NTRK3: variants seen among roughly 807,000 people sequenced by gnomAD.
NTRK3 encodes neurotrophic receptor tyrosine kinase 3.
Under a neutral mutation model 91.7 loss-of-function variants are expected in NTRK3, and 24 were observed. That is an observed-to-expected ratio of 0.26 (90% CI 0.19 to 0.37). NTRK3 has a LOEUF of 0.37. NTRK3 is among the 10% of genes least tolerant of loss of function. The pLI is 1.00. For missense variants in NTRK3, 880 were observed against 1,068.9 expected (o/e 0.82, Z 2.46); for synonymous variants, 483 against 404.0 (o/e 1.20, Z -2.34).
intron 13 of NTRK3, among the ~76,000 whole-genome samples, chr15:88,039,486 T>G (rs1478430417): frequency 2.0e-5 from 3 of 152,158 alleles, no homozygotes; most frequent in African/African-American, 7.2e-5. Flanking sequence ...CCCTGACAGG[T>G]GTCTTTCCCC....
intron 14 of NTRK3, among the ~76,000 whole-genome samples, chr15:87,986,732 A>G (rs1226921656): frequency 6.6e-6 from 1 of 152,242 alleles, no homozygotes; most frequent in East Asian, 1.9e-4. Context: ...GTTGCGATCA[A>G]TATTATTACA....
At chr15:87,967,740 G>C (rs1263665635) in intron 14 of NTRK3, among the ~76,000 whole-genome samples, 1 of 152,160 alleles carries the variant, frequency 6.6e-6, no homozygotes, top group Non-Finnish European at 1.5e-5. Context: ...CCCCCACTCT[G>C]TTTTCTTATA....
In NTRK3 at chr15:88,255,820, C is replaced by T. The variant is rs1349793548; in HGVS notation, c.248+86G>A. The T allele has an allele frequency of 8.2e-7, 1 of 1,217,870 alleles. No individual in the cohort carries two copies. Among genetic ancestry groups the T allele is most frequent in the Non-Finnish European group, 1.1e-6 (1 of 927,814 alleles). 75.4% of individuals were successfully genotyped at this position (1,217,870 alleles called of 1,614,324 possible). A position where few individuals can be genotyped will look rare whatever the true frequency, so the allele number is the denominator to read the frequency against. On this transcript the variant is annotated intron_variant, in intron 3 of 18. Coordinates refer to ENST00000394480, the Ensembl canonical transcript of NTRK3. The surrounding 1 kb of genome is among the most constrained non-coding windows in gnomAD (Gnocchi z 4.3). ...GCGGGCAGCGGCGAGCTGGGGCGGGCGGAGGGCCGGCTCCCGGCCGCGGGT... is the reference window on the plus strand; with the variant it reads ...GCGGGCAGCGGCGAGCTGGGGCGGGTGGAGGGCCGGCTCCCGGCCGCGGGT...
intron 14 of NTRK3, among the ~76,000 whole-genome samples, chr15:88,022,217 A>G (rs1313145409): frequency 6.6e-6 from 1 of 152,184 alleles, no homozygotes; most frequent in Non-Finnish European, 1.5e-5. Flanking sequence ...AAGGTAAGGT[A>G]AACCATGACC....
At chr15:88,140,527 C>T (rs184503870) in intron 6 of NTRK3, among the ~76,000 whole-genome samples, 3 of 152,340 alleles carry the variant, frequency 2.0e-5, no homozygotes, top group African/African-American at 4.8e-5. Flanking sequence ...AACAAAACTA[C>T]TGACGGCCTC....
chr15:88,005,187 C>A (rs2076399790), intron 14 of NTRK3, among the ~76,000 whole-genome samples: 1 of 152,198 alleles, frequency 6.6e-6, no homozygotes, highest in Non-Finnish European at 1.5e-5. Context: ...TTGATGCTTT[C>A]TGGACACACC....
intron 13 of NTRK3, among the ~76,000 whole-genome samples, chr15:88,052,525 G>C (rs1276744212): frequency 2.0e-5 from 3 of 152,244 alleles, no homozygotes; most frequent in Non-Finnish European, 4.4e-5. Flanking sequence ...GACATCTGCT[G>C]TCAGAGGTGT....
intron 3 of NTRK3, among the ~76,000 whole-genome samples, chr15:88,251,655 A>G (rs771472371): frequency 6.6e-6 from 1 of 152,224 alleles, no homozygotes. Context: ...ACACCCACCC[A>G]AGAGCCAGCT....
At chr15:87,955,914 G>T (rs1484166724) in intron 14 of NTRK3, among the ~76,000 whole-genome samples, 1 of 152,158 alleles carries the variant, frequency 6.6e-6, no homozygotes, top group South Asian at 2.1e-4. Flanking sequence ...AGGGTCTCCA[G>T]CAGGGAATAA....
exon 19 of NTRK3, chr15:87,873,617 T>C (rs2064880316): frequency 4.3e-6 from 1 of 231,936 alleles, no homozygotes; most frequent in Non-Finnish European, 8.5e-6. Flanking sequence ...GACTTTGGTA[T>C]GGGAAAATGA....
intron 13 of NTRK3, among the ~76,000 whole-genome samples, chr15:88,040,995 G>C (rs1421136550): frequency 6.6e-6 from 1 of 152,160 alleles, no homozygotes; most frequent in African/African-American, 2.4e-5. Context: ...AAGCCATTTT[G>C]TTTGACTCCA....
At chr15:88,064,400 T>C (rs1267007614) in intron 13 of NTRK3, among the ~76,000 whole-genome samples, 2 of 152,212 alleles carry the variant, frequency 1.3e-5, no homozygotes, top group Admixed American at 1.3e-4. Flanking sequence ...ACACCCTTCC[T>C]TACTCCAGCT....
chr15:87,917,733 T>C (rs1302257289), intron 17 of NTRK3, among the ~76,000 whole-genome samples: 1 of 152,090 alleles, frequency 6.6e-6, no homozygotes, highest in Non-Finnish European at 1.5e-5. Flanking sequence ...GATCTAGTCA[T>C]TAAAGAGTCT....
At chr15:87,875,624 C>T (rs1193903189) in exon 19 of NTRK3, 1 of 232,710 alleles carries the variant, frequency 4.3e-6, no homozygotes, top group African/African-American at 2.2e-5. Flanking sequence ...AAGGCAGATG[C>T]ATCAATCCTC....
At chr15:88,062,954 T>G (rs572615149) in intron 13 of NTRK3, among the ~76,000 whole-genome samples, 1 of 152,358 alleles carries the variant, frequency 6.6e-6, no homozygotes, top group African/African-American at 2.4e-5. Context: ...GTTTCCTTCA[T>G]GTAAAGATGT....
At chr15:88,095,822 C>T (rs2049533454) in intron 13 of NTRK3, among the ~76,000 whole-genome samples, 2 of 152,224 alleles carry the variant, frequency 1.3e-5, no homozygotes, top group South Asian at 4.2e-4. Flanking sequence ...ACAGAAAGGT[C>T]CCATGTACCT....
intron 14 of NTRK3, among the ~76,000 whole-genome samples, chr15:87,955,573 C>T (rs558696269): frequency 6.6e-6 from 1 of 152,342 alleles, no homozygotes; most frequent in Non-Finnish European, 1.5e-5. Context: ...TTGAATGGGA[C>T]TGCAGCGAGT....
chr15:88,020,035 C>T (rs927338221), intron 14 of NTRK3, among the ~76,000 whole-genome samples: 5 of 152,152 alleles, frequency 3.3e-5, no homozygotes, highest in South Asian at 2.1e-4. Flanking sequence ...CAAGCAAAAA[C>T]GAAGTCAAAT....
intron 14 of NTRK3, among the ~76,000 whole-genome samples, chr15:87,972,028 G>A (rs567460464): frequency 2.0e-5 from 3 of 152,192 alleles, no homozygotes; most frequent in Non-Finnish European, 4.4e-5. Flanking sequence ...TGTAACAGAG[G>A]TATCACCAGG....
Sources: gnomAD v4.1 joint callset for allele counts (sites outside exome capture counted in the v4.1 genomes callset) on GRCh38, gnomAD v4.1.1 for gene constraint, Gnocchi (gnomAD v3.1) non-coding constraint, MANE v1.5 for transcripts, NCBI Gene and HGNC (gene_info 2026-07-23, HGNC 2026-07-21) for gene names.